The following TXNRD1 variants were observed in gnomAD, a reference collection of about 807,000 sequenced individuals.
The protein encoded by TXNRD1 is thioredoxin reductase 1, also known as thioredoxin reductase 1, cytoplasmic.
A neutral mutation model predicts 80.3 loss-of-function variants in TXNRD1; 57 were observed. The observed-to-expected ratio is 0.71, with a 90% CI of 0.57 to 0.89. The LOEUF (loss-of-function observed/expected upper bound fraction) is 0.89. TXNRD1 is among the 40% of genes least tolerant of loss of function. The pLI is 0.00. For synonymous variants in TXNRD1, 291 were observed against 285.2 expected, an observed-to-expected ratio of 1.02 and a Z score of -0.20; for missense variants, 730 against 803.0, an observed-to-expected ratio of 0.91 and a Z score of 1.10.
rs1398541456 is a variant in TXNRD1 at position 104,349,544 on chromosome 12, TTGAA to T, written c.*1128_*1131del. ...AACCAAGTGGTTTTGACTTTTTCTG[TTGAA>T]TGAACAACTGTGCCTTGTGGAATTT... On this transcript the variant is annotated 3_prime_UTR_variant, in exon 17 of 17. Coordinates refer to ENST00000525566, the MANE Select transcript of TXNRD1 (RefSeq NM_001093771.3). 1.3e-5 allele frequency: 2 copies of T among 152,678 alleles called. No homozygotes were observed. Among genetic ancestry groups the T allele is most frequent in the Non-Finnish European group, 1.5e-5 (1 of 68,040 alleles). The allele number at this position is 152,678 out of a possible 1,614,324, so 9.5% of individuals were successfully genotyped here.
At chr12:104,295,682 C>T (rs2034412456) in intron 4 of TXNRD1, among the ~76,000 whole-genome samples, 1 of 152,196 alleles carries the variant, frequency 6.6e-6, no homozygotes, top group South Asian at 2.1e-4. Flanking sequence ...ACCCACTTTT[C>T]CAACTGCCTA....
At chr12:104,228,465 C>G (rs1435110866) in intron 1 of TXNRD1, among the ~76,000 whole-genome samples, 1 of 151,810 alleles carries the variant, frequency 6.6e-6, no homozygotes, top group Admixed American at 6.6e-5. Flanking sequence ...AACCCCGTCT[C>G]TACTAAAAAT....
chr12:104,234,650 AAAAAAAG>A (rs1343214883), intron 1 of TXNRD1, among the ~76,000 whole-genome samples: 2 of 151,464 alleles, frequency 1.3e-5, no homozygotes, highest in African/African-American at 4.8e-5. Flanking sequence ...AAAAAAAAAA[AAAAAAAG>A]AAGCCTTCCA....
In TXNRD1 at chr12:104,341,849, C is replaced by A. The variant is rs531643920; in HGVS notation, c.1881+2576C>A. On this transcript the variant is annotated intron_variant, in intron 16 of 16. Transcript: ENST00000525566. ...CAGGCCTCCTGTACTTCTGACCTACCAGCTATAAAGTCAAGGGGTTCCCAT... is the reference window on the plus strand; with the variant it reads ...CAGGCCTCCTGTACTTCTGACCTACAAGCTATAAAGTCAAGGGGTTCCCAT... 2.6e-5 allele frequency among the ~76,000 whole-genome samples: 4 copies of A among 152,312 alleles called. No homozygotes were observed. In the East Asian group the frequency reaches 7.7e-4, roughly 29 times the overall value.
rs190617759 is a variant in TXNRD1 at position 104,216,558 on chromosome 12, G to C, written c.91+665G>C. 1.8e-3 allele frequency among the ~76,000 whole-genome samples: 274 copies of C among 152,346 alleles called. 1 individual carries two copies. The highest frequency in any genetic ancestry group is 6.3e-3 in the African/African-American group (262 of 41,578). ...GTTACTAAGCACTGACATGAGAGGG[G>C]CCTTTGGAAGCACTAGACATGGGTA... On this transcript the variant is annotated intron_variant, in intron 1 of 16. Transcript: ENST00000525566.
intron 1 of TXNRD1, among the ~76,000 whole-genome samples, chr12:104,240,363 A>C (rs1423310163): frequency 4.6e-5 from 2 of 43,354 alleles, no homozygotes; most frequent in African/African-American, 3.1e-4. Flanking sequence ...GAGAGATCTC[A>C]ACTGGGAAGA....
intron 1 of TXNRD1, among the ~76,000 whole-genome samples, chr12:104,234,280 G>A (rs758835425): frequency 7.2e-5 from 11 of 152,082 alleles, no homozygotes; most frequent in Non-Finnish European, 1.6e-4. Context: ...GAACTAAAAA[G>A]TATTTGATTT....
intron 1 of TXNRD1, among the ~76,000 whole-genome samples, chr12:104,249,775 A>G (rs1237722573): frequency 6.6e-6 from 1 of 151,816 alleles, no homozygotes; most frequent in African/African-American, 2.4e-5. Context: ...CTCTACTAAA[A>G]ATACAAAAAA....
At chr12:104,334,501 G>C (rs1053612779) in intron 15 of TXNRD1, among the ~76,000 whole-genome samples, 169 bp downstream of exon 15, 16 of 152,000 alleles carry the variant, frequency 1.1e-4, no homozygotes, top group African/African-American at 3.6e-4. Flanking sequence ...TCCTGCCTCA[G>C]CCTCCCAACT....
At chr12:104,302,576 G>A (rs11111985) in intron 4 of TXNRD1, among the ~76,000 whole-genome samples, 4 of 125,300 alleles carry the variant, frequency 3.2e-5, no homozygotes, top group Non-Finnish European at 4.7e-5. Context: ...TGCAAACTCC[G>A]CCTCCTGGGT....
chr12:104,238,584 T>C (rs901569285), intron 1 of TXNRD1, among the ~76,000 whole-genome samples: 1 of 152,216 alleles, frequency 6.6e-6, no homozygotes, highest in African/African-American at 2.4e-5. Context: ...TGTTGAGTGT[T>C]TTTTATCATG....
Position 104,289,842 on chromosome 12 carries a change from C to T in TXNRD1, c.414+802C>T, listed in dbSNP as rs528047457. ...CCACCTCCTGGGTTCAAGCAATTCT[C>T]CTGCCTCAGCCTCCCGAGTAGCTGA... On this transcript the variant is annotated intron_variant, in intron 4 of 16. Coordinates refer to ENST00000525566, the MANE Select transcript of TXNRD1 (RefSeq NM_001093771.3). Among the ~76,000 whole-genome samples, 8 of 152,264 alleles carry T rather than the reference C, an allele frequency of 5.3e-5. No homozygotes were observed. In the South Asian group the frequency reaches 1.5e-3, roughly 28 times the overall value.
At position 104,327,624 on chromosome 12, in the gene TXNRD1, G is replaced by A. The variant is rs2135852819; in HGVS notation, c.1495G>A (p.Ala499Thr). Reference protein sequence around the residue: ...KVELTPVAIQAGRLLAQRLYA... With the variant: ...KVELTPVAIQTGRLLAQRLYA... ...GGAGCTCACCCCAGTTGCAATCCAG[G>A]CAGGAAGATTGCTGGCTCAGAGGCT... The change falls in exon 13 of 17, where the codon GCA becomes ACA. Residue 499 changes from alanine to threonine, a missense_variant. Ala to Thr is a moderately conservative substitution (Grantham distance 58, BLOSUM62 0). Transcript: ENST00000525566. The A allele has an allele frequency of 5.0e-6, 8 of 1,613,598 alleles. No homozygotes were observed. Among genetic ancestry groups the A allele is most frequent in the Non-Finnish European group, 6.8e-6 (8 of 1,179,818 alleles).
chr12:104,322,196 T>C (rs1376655953), intron 10 of TXNRD1, among the ~76,000 whole-genome samples: 3 of 152,054 alleles, frequency 2.0e-5, no homozygotes, highest in African/African-American at 7.2e-5. Context: ...AGGTTGAAAA[T>C]AGCATCTAAC....
At chr12:104,267,652 T>TC (rs2033537667) in intron 3 of TXNRD1, among the ~76,000 whole-genome samples, 1 of 23,998 alleles carries the variant, frequency 4.2e-5, no homozygotes, top group Non-Finnish European at 7.9e-5. Context: ...ATGGTATCTT[T>TC]CTTTCTTTCT....
At chr12:104,315,930 CT>C (rs772184885) in intron 7 of TXNRD1, 34 bp downstream of exon 7, 5 of 1,585,314 alleles carry the variant, frequency 3.2e-6, no homozygotes, top group Non-Finnish European at 4.3e-6. Flanking sequence ...TCTGTTTGTG[CT>C]TTTGGGGGTT....
In TXNRD1 at chr12:104,332,664, G is replaced by A. The variant is rs188030281; in HGVS notation, c.1650+1023G>A. Reference sequence around the variant, plus strand: ...CTTGGGAAGCTGAGGCAGGAGAATCGCTTGAACCCGGGAGGCGGAGGTTGC... The same window carrying A: ...CTTGGGAAGCTGAGGCAGGAGAATCACTTGAACCCGGGAGGCGGAGGTTGC... On this transcript the variant is annotated intron_variant, in intron 14 of 16. Transcript: ENST00000525566. 1.4e-3 allele frequency among the ~76,000 whole-genome samples: 207 copies of A among 147,704 alleles called. 1 individual carries two copies. Among genetic ancestry groups the A allele is most frequent in the African/African-American group, 4.8e-3 (192 of 39,752 alleles).
chr12:104,304,302 T>G, intron 4 of TXNRD1: 12 of 1,614,078 alleles, frequency 7.4e-6, no homozygotes, highest in Non-Finnish European at 1.0e-5. Context: ...TGTGACTTTC[T>G]GTTTCTGTTC....
chr12:104,348,691 G>A lies in TXNRD1; in HGVS notation c.*270G>A. ...ATGAAGTCACCAGTCTCAAGCCCAT[G>A]TGGTAGGCGGTGATGGAACAACTGT... is the stretch of plus-strand genomic sequence containing the variant. On this transcript the variant is annotated 3_prime_UTR_variant, in exon 17 of 17. Transcript: ENST00000525566. 4.7e-6 allele frequency: 2 copies of A among 424,450 alleles called. No individual in the cohort carries two copies. Among genetic ancestry groups the A allele is most frequent in the Non-Finnish European group, 8.4e-6 (2 of 237,296 alleles). 26.3% of individuals were successfully genotyped at this position (424,450 alleles called of 1,614,324 possible).
Sources: allele counts gnomAD v4.1 joint callset (sites outside exome capture counted in the v4.1 genomes callset), GRCh38; gene constraint gnomAD v4.1.1; transcripts MANE v1.5; gene names NCBI Gene and HGNC (gene_info 2026-07-23, HGNC 2026-07-21).